The following GLYR1 variants were observed in gnomAD, a reference collection of about 807,000 sequenced individuals.
GLYR1 encodes cytokine-like nuclear factor N-PAC.
A neutral mutation model predicts 72.7 loss-of-function variants in GLYR1; 21 were observed. The observed-to-expected ratio is 0.29, with a 90% CI of 0.20 to 0.42. The LOEUF (loss-of-function observed/expected upper bound fraction) is 0.42. GLYR1 is among the 10% of genes least tolerant of loss of function. The pLI, the probability that GLYR1 is intolerant of heterozygous loss-of-function variation, is 1.00. For missense variants in GLYR1, 594 were observed against 712.1 expected (o/e 0.83, Z 1.89); for synonymous variants, 392 against 270.2 (o/e 1.45, Z -4.42).
chr16:4,822,392 G>T (rs187901754), intron 7 of GLYR1, among the ~76,000 whole-genome samples: 2 of 151,690 alleles, frequency 1.3e-5, no homozygotes, highest in Admixed American at 6.6e-5. Flanking sequence ...CGGCCTTTGG[G>T]TTTATTTATC....
chr16:4,829,962 T>G (rs1310262016), intron 5 of GLYR1, among the ~76,000 whole-genome samples: 1 of 151,130 alleles, frequency 6.6e-6, no homozygotes, highest in Admixed American at 6.6e-5. Flanking sequence ...TGTGAGCCAC[T>G]GCACCCAGCA....
intron 15 of GLYR1, among the ~76,000 whole-genome samples, chr16:4,806,050 T>C (rs2082948402): frequency 1.3e-5 from 2 of 152,196 alleles, no homozygotes; most frequent in South Asian, 4.1e-4. Flanking sequence ...CAAGGGCAGA[T>C]GAAACACCCA....
At chr16:4,846,965 A>C in intron 1 of GLYR1, 10 of 482,304 alleles carry the variant, frequency 2.1e-5, no homozygotes, top group Non-Finnish European at 2.2e-5. Context: ...GGGGGCCGCC[A>C]GTATCTGGGC....
chr16:4,845,003 T>C (rs1480566262), intron 3 of GLYR1, 71 bp downstream of exon 3: 4 of 998,880 alleles, frequency 4.0e-6, no homozygotes, highest in Non-Finnish European at 6.3e-6. Flanking sequence ...TTAGAATATT[T>C]TCAAAGCAGC....
intron 5 of GLYR1, among the ~76,000 whole-genome samples, chr16:4,828,886 G>GT (rs2084604378): frequency 6.6e-6 from 1 of 151,988 alleles, no homozygotes; most frequent in Admixed American, 6.6e-5. Flanking sequence ...CAACGAGAAG[G>GT]TATTTCTTTC....
chr16:4,817,943 A>T, intron 9 of GLYR1: 1 of 476,014 alleles, frequency 2.1e-6, no homozygotes, highest in Non-Finnish European at 3.8e-6. Context: ...CTGTCACAGA[A>T]AAAAGTATGA....
In GLYR1 at chr16:4,816,363, A is replaced by T. The variant is rs188323995; in HGVS notation, c.906+1235T>A. 7.9e-4 allele frequency among the ~76,000 whole-genome samples: 120 copies of T among 152,000 alleles called. 1 individual carries two copies. Among genetic ancestry groups the T allele is most frequent in the African/African-American group, 2.8e-3 (115 of 41,476 alleles). ...GTCTCATGTTGTCCAGGCTGGTCTC[A>T]AATTCCTGGACTCAAGCAATCCTCT... On this transcript the variant is annotated intron_variant, in intron 10 of 15. Transcript: ENST00000321919.
At chr16:4,832,501 A>G in intron 4 of GLYR1, 1 of 570,190 alleles carries the variant, frequency 1.8e-6, no homozygotes, top group Non-Finnish European at 3.0e-6. Context: ...GTGTGCTATG[A>G]AAGGAAGAAA....
chr16:4,808,433 C>A (rs1228301795), intron 15 of GLYR1, among the ~76,000 whole-genome samples: 2 of 151,612 alleles, frequency 1.3e-5, no homozygotes. Flanking sequence ...CGTATCTCTA[C>A]TAAAAATACA....
intron 3 of GLYR1, among the ~76,000 whole-genome samples, chr16:4,838,171 C>A (rs575071227): frequency 2.6e-4 from 39 of 152,090 alleles, no homozygotes; most frequent in African/African-American, 8.5e-4. Context: ...GAAAAAAACA[C>A]ACACAAATCA....
rs762083511 is a variant in GLYR1, at chr16:4,831,517, C to T, written c.537+462G>A. Among the ~76,000 whole-genome samples the T allele has an allele frequency of 5.9e-5, 9 of 152,340 alleles. No individual in the cohort carries two copies. The East Asian group carries it at 1.5e-3, about 26-fold the overall frequency. ...CACCGAGCCTCACACGGGCTGTGCC[C>T]TCCATCTTTGGAATGCCTACCCTTC... is the stretch of plus-strand genomic sequence containing the variant. On this transcript the variant is annotated intron_variant, in intron 5 of 15. Transcript: ENST00000321919.
intron 15 of GLYR1, among the ~76,000 whole-genome samples, chr16:4,808,338 T>C (rs1018532327): frequency 2.0e-5 from 3 of 152,036 alleles, no homozygotes; most frequent in Non-Finnish European, 4.4e-5. Context: ...GGCTCACGCC[T>C]GTAATCCCAG....
chr16:4,841,648 CAAG>C (rs2085562171), intron 3 of GLYR1, among the ~76,000 whole-genome samples: 1 of 109,244 alleles, frequency 9.2e-6, no homozygotes, highest in African/African-American at 3.9e-5. Flanking sequence ...AGAAACCAAA[CAAG>C]AACAACAACA....
rs897244356 is a variant in GLYR1, at chr16:4,822,739, G to A, written c.681+136C>T. The A allele has an allele frequency of 4.1e-6, 3 of 726,960 alleles. 1 individual carries two copies. The South Asian group carries it at 4.9e-5, about 12-fold the overall frequency. 45.0% of individuals were successfully genotyped at this position (726,960 alleles called of 1,614,324 possible). Reference sequence around the variant, plus strand: ...GCTTGGCTCATTAGCGGGCCCATATGGGGGCTTCTGGGCTAGTTGCTCTGG... The same window carrying A: ...GCTTGGCTCATTAGCGGGCCCATATAGGGGCTTCTGGGCTAGTTGCTCTGG... On this transcript the variant is annotated intron_variant, in intron 7 of 15. Coordinates refer to ENST00000321919, the MANE Select transcript of GLYR1 (RefSeq NM_032569.4).
chr16:4,816,257 C>A (rs1463084138), intron 10 of GLYR1, among the ~76,000 whole-genome samples: 2 of 152,014 alleles, frequency 1.3e-5, no homozygotes, highest in Admixed American at 6.6e-5. Flanking sequence ...GATCTTCTGG[C>A]CTCAGCCTCC....
At chr16:4,823,127 C>T (rs1404265369) in intron 6 of GLYR1, among the ~76,000 whole-genome samples, 196 bp from the exon 7 acceptor site, 1 of 152,246 alleles carries the variant, frequency 6.6e-6, no homozygotes, top group Non-Finnish European at 1.5e-5. Flanking sequence ...TAGAGGAAAA[C>T]TGGCTTTAAA....
intron 15 of GLYR1, among the ~76,000 whole-genome samples, chr16:4,808,490 G>C (rs753406236): frequency 1.3e-5 from 2 of 151,420 alleles, no homozygotes; most frequent in Non-Finnish European, 2.9e-5. Context: ...CCCAGCTACT[G>C]TGGAGGCTGA....
chr16:4,821,757 A>G (rs1452776900), intron 7 of GLYR1, 160 bp from the exon 8 acceptor site: 7 of 663,480 alleles, frequency 1.1e-5, no homozygotes, highest in Admixed American at 9.5e-5. Flanking sequence ...GTTCATACAC[A>G]TTACCTCATT....
intron 3 of GLYR1, chr16:4,839,356 G>A (rs889950367): frequency 3.3e-5 from 5 of 152,276 alleles, no homozygotes; most frequent in African/African-American, 4.8e-5. Context: ...GCCTCTTGAA[G>A]TGTTGGGATT....
Sources: gnomAD v4.1 joint callset for allele counts (sites outside exome capture counted in the v4.1 genomes callset) on GRCh38, gnomAD v4.1.1 for gene constraint, MANE v1.5 for transcripts, NCBI Gene and HGNC (gene_info 2026-07-23, HGNC 2026-07-21) for gene names.